Variants in GSTA1 observed in about 807,000 individuals in gnomAD.
GSTA1 encodes glutathione S-transferase A1.
In GSTA1, 23 loss-of-function variants were observed where a neutral mutation model predicts 21.5. The observed-to-expected ratio is 1.07, with a 90% CI of 0.77 to 1.52. The LOEUF is 1.52. Ranked by LOEUF, GSTA1 falls within the 40% of genes most tolerant of loss-of-function variation. GSTA1 has a pLI of 0.00. For missense variants in GSTA1, 301 were observed against 264.2 expected (o/e 1.14, Z -0.96); for synonymous variants, 125 against 90.0 (o/e 1.39, Z -2.20).
chr6:52,797,555 C>G (rs1317242236), intron 3 of GSTA1, 31 bp downstream of exon 3: 22 of 1,567,950 alleles, frequency 1.4e-5, no homozygotes, highest in Non-Finnish European at 1.7e-5. Flanking sequence ...ACTAGATACC[C>G]TCATCAGAGG....
rs1248100063 is a variant in GSTA1, at chr6:52,791,907, G to T, written c.620C>A (p.Pro207His). The change falls in exon 7 of 7, where the codon CCC (proline) becomes CAC (histidine). Residue 207 changes from proline (P) to histidine (H), a missense_variant. Physicochemically the swap from Pro to His is moderately conservative, Grantham distance 77 (BLOSUM62 -2). Transcript: ENST00000334575. ...FLQPGSPRKP[P>H]MDEKSLEEAR... ...TTCTTCTAAAGATTTCTCATCCATG[G>T]GAGGCTTCCTTGGGCTGCCAGGCTG... is the stretch of plus-strand genomic sequence containing the variant. The T allele has an allele frequency of 1.9e-6, 3 of 1,613,924 alleles. No homozygotes were observed. Among genetic ancestry groups the T allele is most frequent in the Middle Eastern group, 1.7e-4 (1 of 6,056 alleles).
Position 52,796,167 on chromosome 6 carries a change from G to C in GSTA1, c.272+15C>G, listed in dbSNP as rs762624509. On this transcript the variant is annotated intron_variant, in intron 4 of 6. Coordinates refer to ENST00000334575, the MANE Select transcript of GSTA1 (RefSeq NM_145740.5). ...TGTGTTCTCTGTGGATGGAAGAACAGAAAATATACCGTACAGGGCTCTCTC... is the reference window on the plus strand; with the variant it reads ...TGTGTTCTCTGTGGATGGAAGAACACAAAATATACCGTACAGGGCTCTCTC... 8 of 1,612,482 alleles carry C rather than the reference G, an allele frequency of 5.0e-6. No homozygotes were observed. The highest frequency in any genetic ancestry group is 2.7e-5 in the African/African-American group (2 of 74,808).
intron 5 of GSTA1, among the ~76,000 whole-genome samples, chr6:52,793,242 G>A (rs1269690506): frequency 3.3e-5 from 5 of 152,006 alleles, no homozygotes; most frequent in South Asian, 2.1e-4. Context: ...CACCACCCAC[G>A]CAGCTTGCTT....
At position 52,794,153 on chromosome 6, in the gene GSTA1, T is replaced by G; in HGVS notation, c.386A>C (p.Lys129Thr). The change falls in exon 5 of 7, where the codon AAA becomes ACA. Residue 129 changes from lysine (K) to threonine (T), a missense_variant. Physicochemically the swap from Lys to Thr is moderately conservative, Grantham distance 78. Coordinates refer to ENST00000334575, the MANE Select transcript of GSTA1 (RefSeq NM_145740.5). ...TTCAAAGGCAGGGAAGTAGCGATTTTTTATTTTCTCTTTGATCAAGGCAAG... is the reference window on the plus strand; with the variant it reads ...TTCAAAGGCAGGGAAGTAGCGATTTGTTATTTTCTCTTTGATCAAGGCAAG... ...AKLALIKEKI[K>T]NRYFPAFEKV... 6.2e-7 allele frequency: 1 copy of G among 1,614,068 alleles called. No homozygotes were observed. Among genetic ancestry groups the G allele is most frequent in the Non-Finnish European group, 8.5e-7 (1 of 1,179,936 alleles).
intron 6 of GSTA1, 23 bp downstream of exon 6, chr6:52,792,833 C>T: frequency 6.2e-7 from 1 of 1,613,682 alleles, no homozygotes; most frequent in Non-Finnish European, 8.5e-7. Flanking sequence ...GGGGCTGCCT[C>T]TCTGGGCTGT....
Position 52,792,855 on chromosome 6 carries a change from C to A in GSTA1, c.546+1G>T, listed in dbSNP as rs745520619. ...CCTCTCTGGGCTGTGAAATGGGTCA[C>A]CTTCAGCAGAGGGAAGCTGGAGATA... On this transcript the variant is annotated splice_donor_variant, in intron 6 of 6. Coordinates refer to ENST00000334575, the MANE Select transcript of GSTA1 (RefSeq NM_145740.5). LOFTEE classifies it high-confidence loss of function. 1.2e-6 allele frequency: 2 copies of A among 1,613,894 alleles called. No individual in the cohort carries two copies. Among genetic ancestry groups the A allele is most frequent in the South Asian group, 2.2e-5 (2 of 91,078 alleles).
chr6:52,793,898 T>G (rs1763514816), intron 5 of GSTA1, among the ~76,000 whole-genome samples: 1 of 152,174 alleles, frequency 6.6e-6, no homozygotes, highest in South Asian at 2.1e-4. Flanking sequence ...AATTCCATGT[T>G]GGGGTCCAGT....
chr6:52,792,756 G>A, intron 6 of GSTA1, 100 bp downstream of exon 6: 1 of 1,610,610 alleles, frequency 6.2e-7, no homozygotes, highest in Non-Finnish European at 8.5e-7. Flanking sequence ...CTGAAGGCCT[G>A]GAGAAGACTG....
chr6:52,797,558 A>G (rs1238443145), intron 3 of GSTA1, 28 bp downstream of exon 3: 1 of 1,579,322 alleles, frequency 6.3e-7, no homozygotes, highest in African/African-American at 1.3e-5. Flanking sequence ...AGATACCCTC[A>G]TCAGAGGAAC....
At chr6:52,800,691 T>A (rs1763695323) in intron 1 of GSTA1, among the ~76,000 whole-genome samples, 3 of 152,034 alleles carry the variant, frequency 2.0e-5, no homozygotes, top group Admixed American at 2.0e-4. Context: ...ACTAATTGTA[T>A]CATGAATGTG....
Position 52,791,849 on chromosome 6 carries a change from A to G in GSTA1, c.*9T>C, listed in dbSNP as rs1052003. On this transcript the variant is annotated 3_prime_UTR_variant, in exon 7 of 7. Transcript: ENST00000334575. ...GTATTGCAAGTTCTTGGCCTCCATG[A>G]CTGCGTTATTAAAACCTGAAAATCT... 7.4e-5 allele frequency: 120 copies of G among 1,613,904 alleles called. No individual in the cohort carries two copies. The highest frequency in any genetic ancestry group is 1.7e-4 in the Admixed American group (10 of 59,992).
chr6:52,793,999 G>A, intron 5 of GSTA1, 126 bp downstream of exon 5: 1 of 1,114,328 alleles, frequency 9.0e-7, no homozygotes, highest in East Asian at 2.4e-5. Context: ...TTGAGAGTCA[G>A]AGTGCTGCAT....
At chr6:52,802,520 C>T (rs1763741577) in intron 1 of GSTA1, among the ~76,000 whole-genome samples, 1 of 152,078 alleles carries the variant, frequency 6.6e-6, no homozygotes, top group Admixed American at 6.5e-5. Flanking sequence ...TGCTCTTGTC[C>T]CAGTGCTTGG....
At chr6:52,796,099 C>G (rs1159241414) in intron 4 of GSTA1, 83 bp downstream of exon 4, 2 of 1,599,882 alleles carry the variant, frequency 1.3e-6, no homozygotes, top group Non-Finnish European at 1.7e-6. Flanking sequence ...GTCATGATGC[C>G]CTGCCATCGT....
chr6:52,803,635 T>A (rs1354314016), intron 1 of GSTA1, 150 bp downstream of exon 1: 2 of 167,048 alleles, frequency 1.2e-5, no homozygotes, highest in African/African-American at 4.8e-5. Context: ...TAAACAATTC[T>A]TGAACTGTCA....
At chr6:52,801,869 C>A (rs1422678564) in intron 1 of GSTA1, among the ~76,000 whole-genome samples, 2 of 152,148 alleles carry the variant, frequency 1.3e-5, no homozygotes, top group Non-Finnish European at 2.9e-5. Flanking sequence ...AAGCACCTGT[C>A]TCATGCTGCA....
At chr6:52,794,863 C>G (rs1763539743) in intron 4 of GSTA1, among the ~76,000 whole-genome samples, 2 of 152,206 alleles carry the variant, frequency 1.3e-5, no homozygotes, top group Admixed American at 1.3e-4. Flanking sequence ...AATCCCCTTC[C>G]CTGGTGAAAT....
chr6:52,798,999 C>T (rs1002409943), intron 2 of GSTA1, among the ~76,000 whole-genome samples, 182 bp downstream of exon 2: 4 of 152,118 alleles, frequency 2.6e-5, no homozygotes, highest in African/African-American at 9.7e-5. Context: ...AATATGTTTG[C>T]TTTTAGATGA....
intron 2 of GSTA1, 74 bp downstream of exon 2, chr6:52,799,107 C>T (rs1208565513): frequency 1.4e-6 from 2 of 1,390,176 alleles, no homozygotes; most frequent in East Asian, 2.3e-5. Flanking sequence ...AGCAACATCT[C>T]ATAGTTTCTG....
Sources: allele counts gnomAD v4.1 joint callset (sites outside exome capture counted in the v4.1 genomes callset), GRCh38; gene constraint gnomAD v4.1.1; transcripts MANE v1.5; gene names NCBI Gene and HGNC (gene_info 2026-07-23, HGNC 2026-07-21).